KHDRBS3: variants seen among roughly 807,000 people sequenced by gnomAD.
KHDRBS3 encodes KH domain-containing, RNA-binding, signal transduction-associated protein 3.
In KHDRBS3, 23 loss-of-function variants were observed where a neutral mutation model predicts 45.6. The ratio of observed to expected loss-of-function variants is 0.50; its 90% CI spans 0.36 to 0.72. The LOEUF is 0.72. KHDRBS3 is among the 30% of genes least tolerant of loss of function. The pLI is 0.00. For missense variants in KHDRBS3, 352 were observed against 424.8 expected (o/e 0.83, Z 1.51); for synonymous variants, 162 against 156.5 (o/e 1.04, Z -0.26).
chr8:135,497,702 C>G (rs1381582292), intron 1 of KHDRBS3, among the ~76,000 whole-genome samples: 2 of 152,206 alleles, frequency 1.3e-5, no homozygotes, highest in African/African-American at 4.8e-5. Context: ...ATATCAAGCA[C>G]TGTGCTTAGG....
At chr8:135,557,827 C>T (rs531310754) in intron 5 of KHDRBS3, among the ~76,000 whole-genome samples, 1 of 152,246 alleles carries the variant, frequency 6.6e-6, no homozygotes, top group South Asian at 2.1e-4. Flanking sequence ...GAGACCCTAT[C>T]ACTTTAAAAA....
intron 2 of KHDRBS3, among the ~76,000 whole-genome samples, chr8:135,537,673 T>C (rs1825845793): frequency 6.6e-6 from 1 of 152,182 alleles, no homozygotes; most frequent in Non-Finnish European, 1.5e-5. Flanking sequence ...TGTTTAAAAA[T>C]GTAACATTTG....
chr8:135,610,265 A>G (rs1829656726), intron 7 of KHDRBS3, among the ~76,000 whole-genome samples: 1 of 151,910 alleles, frequency 6.6e-6, no homozygotes, highest in Non-Finnish European at 1.5e-5. Context: ...TCTGTTACTT[A>G]TGTGTCTTGT....
At chr8:135,594,080 G>A (rs559106973) in intron 6 of KHDRBS3, among the ~76,000 whole-genome samples, 1 of 152,138 alleles carries the variant, frequency 6.6e-6, no homozygotes, top group Non-Finnish European at 1.5e-5. Flanking sequence ...TATTGATGAG[G>A]TTTATTGTCA....
intron 2 of KHDRBS3, among the ~76,000 whole-genome samples, chr8:135,521,698 G>A (rs1174580996): frequency 6.6e-6 from 1 of 152,022 alleles, no homozygotes; most frequent in African/African-American, 2.4e-5. Context: ...GTACATAAAG[G>A]TTCAAAAATA....
Position 135,479,508 on chromosome 8 carries a change from A to G in KHDRBS3, c.88+21554A>G, listed in dbSNP as rs570680417. Among the ~76,000 whole-genome samples the G allele has an allele frequency of 8.5e-5, 13 of 152,226 alleles. No individual in the cohort carries two copies. In the South Asian group the frequency reaches 2.7e-3, roughly 32 times the overall value. On this transcript the variant is annotated intron_variant, in intron 1 of 8. Coordinates refer to ENST00000355849, the MANE Select transcript of KHDRBS3 (RefSeq NM_006558.3). ...CATAAGCAACAAAAATGTATTGCTC[A>G]GAGTTCTGGAGGGTGGAAAGTCCAA... is the stretch of plus-strand genomic sequence containing the variant.
chr8:135,538,037 A>C (rs986515529), intron 2 of KHDRBS3, among the ~76,000 whole-genome samples: 6 of 152,160 alleles, frequency 3.9e-5, no homozygotes, highest in Non-Finnish European at 5.9e-5. Flanking sequence ...TGACCATGAG[A>C]ACTGTAAGTT....
At chr8:135,538,041 G>GT (rs1825862783) in intron 2 of KHDRBS3, among the ~76,000 whole-genome samples, 1 of 152,152 alleles carries the variant, frequency 6.6e-6, no homozygotes, top group African/African-American at 2.4e-5. Flanking sequence ...CATGAGAACT[G>GT]TAAGTTATAT....
Position 135,457,628 on chromosome 8 carries a change from CCGGAGCGCGGGGGCCGCCGGCGCT to C in KHDRBS3, c.-238_-215del, listed in dbSNP as rs1821171739. The C allele has an allele frequency of 6.8e-6, 1 of 147,144 alleles. No homozygotes were observed. The highest frequency in any genetic ancestry group is 2.4e-5 in the African/African-American group (1 of 40,832). The allele number at this position is 147,144 out of a possible 1,614,324, so 9.1% of individuals were successfully genotyped here. On this transcript the variant is annotated 5_prime_UTR_variant, in exon 1 of 9. Transcript: ENST00000355849. The surrounding 1 kb of genome is among the most constrained non-coding windows in gnomAD (Gnocchi z 4.4). ...GCGCCCGCTCCTCCTCGGCCCGCGC[CCGGAGCGCGGGGGCCGCCGGCGCT>C]GGGTACTCGGCGGCCACCGGGGATC...
At chr8:135,634,221 C>T (rs766742846) in intron 7 of KHDRBS3, among the ~76,000 whole-genome samples, 2 of 152,332 alleles carry the variant, frequency 1.3e-5, no homozygotes, top group South Asian at 2.1e-4. Context: ...TCCCAAATCA[C>T]ATTTTATAGC....
At chr8:135,569,676 GGTC>G (rs1827606423) in intron 5 of KHDRBS3, among the ~76,000 whole-genome samples, 2 of 152,166 alleles carry the variant, frequency 1.3e-5, no homozygotes, top group South Asian at 4.1e-4. Context: ...TGAGCCGCAT[GGTC>G]TCTGGGCGAC....
At chr8:135,517,456 CAGTT>C (rs765162752) in intron 1 of KHDRBS3, among the ~76,000 whole-genome samples, 7 of 152,082 alleles carry the variant, frequency 4.6e-5, no homozygotes, top group Middle Eastern at 3.4e-3. Flanking sequence ...ATGCAACTCT[CAGTT>C]AGGGACAGGC....
intron 7 of KHDRBS3, among the ~76,000 whole-genome samples, chr8:135,633,392 A>G (rs1563820915): frequency 6.6e-6 from 1 of 152,228 alleles, no homozygotes. Context: ...ACAAGGCTTC[A>G]CTGCTGTGCA....
At chr8:135,486,935 A>T (rs183035001) in intron 1 of KHDRBS3, among the ~76,000 whole-genome samples, 13 of 152,330 alleles carry the variant, frequency 8.5e-5, no homozygotes, top group South Asian at 2.1e-4. Context: ...TTTCTTAAAG[A>T]GGATGGTTTG....
chr8:135,655,965 G>T (rs1204092132), intron 4 of KHDRBS3, among the ~76,000 whole-genome samples: 2 of 152,188 alleles, frequency 1.3e-5, no homozygotes, highest in African/African-American at 4.8e-5. Context: ...TTGCCATGCT[G>T]AAATCACTCC....
intron 7 of KHDRBS3, among the ~76,000 whole-genome samples, chr8:135,633,284 G>A (rs555086108): frequency 2.0e-5 from 3 of 152,336 alleles, no homozygotes; most frequent in East Asian, 1.9e-4. Context: ...GGCAGAGCCA[G>A]GACTCAGCCT....
intron 2 of KHDRBS3, among the ~76,000 whole-genome samples, chr8:135,530,059 C>CAAAAAAAAAAAA (rs11428464): frequency 7.3e-6 from 1 of 136,626 alleles, no homozygotes; most frequent in African/African-American, 2.9e-5. Context: ...ACTCCCATCT[C>CAAAAAAAAAAAA]AAAAAAAAAA....
At chr8:135,466,077 T>C (rs1265852485) in intron 1 of KHDRBS3, among the ~76,000 whole-genome samples, 2 of 152,244 alleles carry the variant, frequency 1.3e-5, no homozygotes, top group Admixed American at 6.5e-5. Flanking sequence ...GGTTACCTTC[T>C]TTCTTTCGCA....
chr8:135,474,308 C>T (rs781443441), intron 1 of KHDRBS3, among the ~76,000 whole-genome samples: 1 of 152,146 alleles, frequency 6.6e-6, no homozygotes, highest in Admixed American at 6.5e-5. Context: ...AACCAAATCC[C>T]AATATTCACA....
Sources: allele counts gnomAD v4.1 joint callset (sites outside exome capture counted in the v4.1 genomes callset), GRCh38; gene constraint gnomAD v4.1.1; non-coding constraint Gnocchi (gnomAD v3.1); transcripts MANE v1.5; gene names NCBI Gene and HGNC (gene_info 2026-07-23, HGNC 2026-07-21).